Variants in MAGEF1 observed in about 807,000 individuals in gnomAD.
The protein encoded by MAGEF1 is melanoma-associated antigen F1.
For synonymous variants in MAGEF1, 150 were observed against 163.6 expected (o/e 0.92, Z 0.63); for missense variants, 418 against 399.5 (o/e 1.05, Z -0.39).
Position 184,711,956 on chromosome 3 carries a change from G to A in MAGEF1, c.-135C>T. ...GGAGCAATGGCAGCGGGAGCTTTGT[G>A]GCTGCTGGGCCGCACCGCACGGGAG... On this transcript the variant is annotated 5_prime_UTR_variant, in exon 1 of 1. Transcript: ENST00000317897. The A allele has an allele frequency of 1.5e-6, 2 of 1,335,866 alleles. No homozygotes were observed. The highest frequency in any genetic ancestry group is 9.7e-7 in the Non-Finnish European group (1 of 1,035,540). 82.8% of individuals were successfully genotyped at this position (1,335,866 alleles called of 1,614,324 possible).
Position 184,711,654 on chromosome 3 carries a change from C to T in MAGEF1, c.168G>A (p.Arg56=). The change falls in exon 1 of 1, where the codon CGG becomes CGA. Residue 56 remains arginine (R), a synonymous_variant. Coordinates refer to ENST00000317897, the MANE Select transcript of MAGEF1 (RefSeq NM_022149.5). ...TGGCCGCCAAGGCCCTCGCGCCTTT[C>T]CGGGTGAGGGCGGGCTCCGCAGCCC... is the stretch of plus-strand genomic sequence containing the variant. ...EEGAAEPALT[R]KGARALAAKA... is the part of the protein sequence containing the mutation. 6.2e-7 allele frequency: 1 copy of T among 1,603,590 alleles called. No individual in the cohort carries two copies. Among genetic ancestry groups the T allele is most frequent in the Non-Finnish European group, 8.5e-7 (1 of 1,175,806 alleles).
At position 184,711,045 on chromosome 3, in the gene MAGEF1, G is replaced by T; in HGVS notation, c.777C>A (p.Ala259=). The T allele has an allele frequency of 1.9e-6, 3 of 1,614,222 alleles. No homozygotes were observed. The highest frequency in any genetic ancestry group is 2.5e-6 in the Non-Finnish European group (3 of 1,180,038). ...ISKMEVLGFV[A]KLHKKEPQHW... ...GCTGCGGTTCCTTCTTATGCAGTTT[G>T]GCCACGAACCCCAGGACTTCCATCT... Residue 259 remains alanine (A), a synonymous_variant, in exon 1 of 1, where the codon GCC becomes GCA. Transcript: ENST00000317897.
At position 184,711,530 on chromosome 3, in the gene MAGEF1, T is replaced by G. The variant is rs759909230; in HGVS notation, c.292A>C (p.Thr98Pro). 27 of 1,614,234 alleles carry G rather than the reference T, an allele frequency of 1.7e-5. No homozygotes were observed. Among genetic ancestry groups the G allele is most frequent in the South Asian group, 2.2e-5 (2 of 91,084 alleles). Residue 98 changes from threonine to proline, a missense_variant, in exon 1 of 1, where the codon ACA becomes CCA. Physicochemically the swap from Thr to Pro is conservative, Grantham distance 38. Transcript: ENST00000317897. ...LVKDKKKSPITRSEMVKYVIG... is the reference protein window; with the variant it reads ...LVKDKKKSPIPRSEMVKYVIG... ...ACGTATTTCACCATCTCCGAGCGTG[T>G]GATGGGACTCTTCTTCTTGTCTTTC... is the stretch of plus-strand genomic sequence containing the variant.
At position 184,712,004 on chromosome 3, in the gene MAGEF1, G is replaced by T; in HGVS notation, c.-183C>A. 1 of 1,104,608 alleles carries T rather than the reference G, an allele frequency of 9.1e-7. No individual in the cohort carries two copies. Among genetic ancestry groups the T allele is most frequent in the Non-Finnish European group, 1.2e-6 (1 of 848,530 alleles). 68.4% of individuals were successfully genotyped at this position (1,104,608 alleles called of 1,614,324 possible). A position where few individuals can be genotyped will look rare whatever the true frequency, so the allele number is the denominator to read the frequency against. Reference sequence around the variant, plus strand: ...GAGTCAAACCTGCGGCCGCAACGCCGCCAGCAGCCGGAACCTGCGGCGCGC... The same window carrying T: ...GAGTCAAACCTGCGGCCGCAACGCCTCCAGCAGCCGGAACCTGCGGCGCGC... On this transcript the variant is annotated 5_prime_UTR_variant, in exon 1 of 1. Coordinates refer to ENST00000317897, the MANE Select transcript of MAGEF1 (RefSeq NM_022149.5).
Position 184,712,051 on chromosome 3 carries a change from G to C in MAGEF1, c.-230C>G, listed in dbSNP as rs1577592596. ...GCGCAGCCTCAGTCCGCGCCCGCGC[G>C]AGGGGCCACTTCCGGCCACCTCAGC... On this transcript the variant is annotated 5_prime_UTR_variant, in exon 1 of 1. Coordinates refer to ENST00000317897, the MANE Select transcript of MAGEF1 (RefSeq NM_022149.5). 2 of 685,388 alleles carry C rather than the reference G, an allele frequency of 2.9e-6. No individual in the cohort carries two copies. Among genetic ancestry groups the C allele is most frequent in the Non-Finnish European group, 2.1e-6 (1 of 472,422 alleles). The allele number at this position is 685,388 out of a possible 1,614,324, so 42.5% of individuals were successfully genotyped here.
chr3:184,711,903 G>T lies in MAGEF1; in HGVS notation c.-82C>A. ...CGCGCAAGCCCCGGGGGAGGGGTTGGACAGCGGCAGTGACGGCGGGAGTAC... is the reference window on the plus strand; with the variant it reads ...CGCGCAAGCCCCGGGGGAGGGGTTGTACAGCGGCAGTGACGGCGGGAGTAC... On this transcript the variant is annotated 5_prime_UTR_variant, in exon 1 of 1. Coordinates refer to ENST00000317897, the MANE Select transcript of MAGEF1 (RefSeq NM_022149.5). 1 of 1,421,714 alleles carries T rather than the reference G, an allele frequency of 7.0e-7. No individual in the cohort carries two copies. The highest frequency in any genetic ancestry group is 9.2e-7 in the Non-Finnish European group (1 of 1,087,844). 88.1% of individuals were successfully genotyped at this position (1,421,714 alleles called of 1,614,324 possible).
rs371081154 is a variant in MAGEF1 at position 184,711,203 on chromosome 3, A to G, written c.619T>C (p.Phe207Leu). Residue 207 changes from phenylalanine (F) to leucine (L), a missense_variant, in exon 1 of 1, where the codon TTT becomes CTT. Transcript: ENST00000317897. ...ATAATAAGCCTCTTCGGATACCCAA[A>G]GAGGAAATGATACTTTGAGGGTTGC... ...GVQPSKYHFL[F>L]GYPKRLIMED... is the part of the protein sequence containing the mutation. 1 of 1,614,170 alleles carries G rather than the reference A, an allele frequency of 6.2e-7. No individual in the cohort carries two copies. Among genetic ancestry groups the G allele is most frequent in the Non-Finnish European group, 8.5e-7 (1 of 1,180,046 alleles).
Position 184,711,781 on chromosome 3 carries a change from T to G in MAGEF1, c.41A>C (p.Gln14Pro). 2 of 1,520,218 alleles carry G rather than the reference T, an allele frequency of 1.3e-6. No individual in the cohort carries two copies. The highest frequency in any genetic ancestry group is 8.8e-7 in the Non-Finnish European group (1 of 1,139,084). The allele number at this position is 1,520,218 out of a possible 1,614,324, so 94.2% of individuals were successfully genotyped here. A position where few individuals can be genotyped will look rare whatever the true frequency, so the allele number is the denominator to read the frequency against. Residue 14 changes from glutamine to proline, a missense_variant, in exon 1 of 1, where the codon CAG (glutamine) becomes CCG (proline). By Grantham distance (76) the Gln-to-Pro change is moderately conservative. Coordinates refer to ENST00000317897, the MANE Select transcript of MAGEF1 (RefSeq NM_022149.5). Reference protein sequence around the residue: ...TPESRGLPVPQAEGEKDGGHD... With the variant: ...TPESRGLPVPPAEGEKDGGHD... ...GCCGCCATCCTTCTCCCCCTCGGCCTGCGGGACCGGGAGCCCCCTGCTCTC... is the reference window on the plus strand; with the variant it reads ...GCCGCCATCCTTCTCCCCCTCGGCCGGCGGGACCGGGAGCCCCCTGCTCTC...
Position 184,711,130 on chromosome 3 carries a change from T to C in MAGEF1, c.692A>G (p.His231Arg), listed in dbSNP as rs1577591420. The C allele has an allele frequency of 6.2e-7, 1 of 1,614,004 alleles. No individual in the cohort carries two copies. Residue 231 changes from histidine (H) to arginine (R), a missense_variant, in exon 1 of 1, where the codon CAC becomes CGC. Transcript: ENST00000317897. ...GAATTCATATTCTGGTGGATTGGTG[T>C]GAGGCACCCGCCTGTAACTGAGATA... ...QRYLSYRRVP[H>R]TNPPEYEFSW...
Position 184,710,399 on chromosome 3 carries a change from G to T in MAGEF1, c.*499C>A, listed in dbSNP as rs1712180195. 6.6e-6 allele frequency: 1 copy of T among 152,588 alleles called. No homozygotes were observed. Among genetic ancestry groups the T allele is most frequent in the African/African-American group, 2.4e-5 (1 of 41,406 alleles). 9.5% of individuals were successfully genotyped at this position (152,588 alleles called of 1,614,324 possible). A position where few individuals can be genotyped will look rare whatever the true frequency, so the allele number is the denominator to read the frequency against. On this transcript the variant is annotated 3_prime_UTR_variant, in exon 1 of 1. Transcript: ENST00000317897. Reference sequence around the variant, plus strand: ...ATGTTTAATTTATTAAGTGTGCCAGGGTATACTGCTAACTCATTGCATTTT... The same window carrying T: ...ATGTTTAATTTATTAAGTGTGCCAGTGTATACTGCTAACTCATTGCATTTT...
chr3:184,710,669 C>T lies in MAGEF1; in HGVS notation c.*229G>A. On this transcript the variant is annotated 3_prime_UTR_variant, in exon 1 of 1. Coordinates refer to ENST00000317897, the MANE Select transcript of MAGEF1 (RefSeq NM_022149.5). ...AAGTTCTTCCATCCATTTTACAAAA[C>T]CAGCAAAACTCTACAATAAAATCCT... The T allele has an allele frequency of 1.7e-6, 1 of 591,254 alleles. No homozygotes were observed. The highest frequency in any genetic ancestry group is 2.5e-6 in the Non-Finnish European group (1 of 392,802). 36.6% of individuals were successfully genotyped at this position (591,254 alleles called of 1,614,324 possible).
Position 184,711,928 on chromosome 3 carries a change from C to G in MAGEF1, c.-107G>C. 7.8e-6 allele frequency: 11 copies of G among 1,402,030 alleles called. No homozygotes were observed. Among genetic ancestry groups the G allele is most frequent in the Non-Finnish European group, 9.3e-6 (10 of 1,077,998 alleles). 86.8% of individuals were successfully genotyped at this position (1,402,030 alleles called of 1,614,324 possible). A position where few individuals can be genotyped will look rare whatever the true frequency, so the allele number is the denominator to read the frequency against. On this transcript the variant is annotated 5_prime_UTR_variant, in exon 1 of 1. Transcript: ENST00000317897. ...GACAGCGGCAGTGACGGCGGGAGTA[C>G]AAGGAGCAATGGCAGCGGGAGCTTT...
Position 184,711,980 on chromosome 3 carries a change from A to C in MAGEF1, c.-159T>G. ...TGGCTGCTGGGCCGCACCGCACGGG[A>C]GTCAAACCTGCGGCCGCAACGCCGC... On this transcript the variant is annotated 5_prime_UTR_variant, in exon 1 of 1. Coordinates refer to ENST00000317897, the MANE Select transcript of MAGEF1 (RefSeq NM_022149.5). 1.1e-5 allele frequency: 13 copies of C among 1,220,080 alleles called. No homozygotes were observed. Among genetic ancestry groups the C allele is most frequent in the Non-Finnish European group, 1.3e-5 (12 of 953,200 alleles). 75.6% of individuals were successfully genotyped at this position (1,220,080 alleles called of 1,614,324 possible).
In MAGEF1 at chr3:184,711,939, G is replaced by A. The variant is rs1712241784; in HGVS notation, c.-118C>T. Reference sequence around the variant, plus strand: ...TGACGGCGGGAGTACAAGGAGCAATGGCAGCGGGAGCTTTGTGGCTGCTGG... The same window carrying A: ...TGACGGCGGGAGTACAAGGAGCAATAGCAGCGGGAGCTTTGTGGCTGCTGG... On this transcript the variant is annotated 5_prime_UTR_variant, in exon 1 of 1. Transcript: ENST00000317897. The A allele has an allele frequency of 7.3e-7, 1 of 1,364,246 alleles. No homozygotes were observed. The allele number at this position is 1,364,246 out of a possible 1,614,324, so 84.5% of individuals were successfully genotyped here.
At position 184,711,763 on chromosome 3, in the gene MAGEF1, T is replaced by C; in HGVS notation, c.59A>G (p.Asp20Gly). The stretch of plus-strand genomic sequence containing the variant: ...CCGGGTCTCACCATCATGGCCGCCA[T>C]CCTTCTCCCCCTCGGCCTGCGGGAC... ...LPVPQAEGEK[D>G]GGHDGETRAP... The change falls in exon 1 of 1, where the codon GAT becomes GGT. Residue 20 changes from aspartate to glycine, a missense_variant. By Grantham distance (94) the Asp-to-Gly change is moderately conservative. Transcript: ENST00000317897. 3.9e-6 allele frequency: 6 copies of C among 1,522,464 alleles called. No homozygotes were observed. The highest frequency in any genetic ancestry group is 5.3e-6 in the Non-Finnish European group (6 of 1,140,490). 94.3% of individuals were successfully genotyped at this position (1,522,464 alleles called of 1,614,324 possible). A position where few individuals can be genotyped will look rare whatever the true frequency, so the allele number is the denominator to read the frequency against.
At position 184,711,397 on chromosome 3, in the gene MAGEF1, G is replaced by A; in HGVS notation, c.425C>T (p.Thr142Ile). 1.9e-6 allele frequency: 3 copies of A among 1,614,148 alleles called. No individual in the cohort carries two copies. The highest frequency in any genetic ancestry group is 2.5e-6 in the Non-Finnish European group (3 of 1,180,042). Residue 142 changes from threonine (T) to isoleucine (I), a missense_variant, in exon 1 of 1, where the codon ACT becomes ATT. Thr to Ile is a moderately conservative substitution (Grantham distance 89, BLOSUM62 -1). Transcript: ENST00000317897. ...ELKQFDRKHH[T>I]YILINKLKPL... ...TTTTAGTTTGTTGATCAGGATGTAA[G>A]TGTGGTGCTTGCGGTCAAACTGTTT...
At position 184,711,585 on chromosome 3, in the gene MAGEF1, C is replaced by T. The variant is rs1229814634; in HGVS notation, c.237G>A (p.Thr79=). The T allele has an allele frequency of 2.5e-6, 4 of 1,613,746 alleles. No homozygotes were observed. Among genetic ancestry groups the T allele is most frequent in the African/African-American group, 2.7e-5 (2 of 74,952 alleles). The stretch of plus-strand genomic sequence containing the variant: ...GGAGGAACTGCACCAACTCCGCCAC[C>T]GTCCGATTCAGCCGGCGGTAGGCCC... ...RRRAYRRLNR[T]VAELVQFLLV... The change falls in exon 1 of 1, where the codon ACG becomes ACA. Residue 79 remains threonine, a synonymous_variant. Coordinates refer to ENST00000317897, the MANE Select transcript of MAGEF1 (RefSeq NM_022149.5).
Position 184,711,415 on chromosome 3 carries a change from A to C in MAGEF1, c.407T>G (p.Phe136Cys). Residue 136 changes from phenylalanine to cysteine, a missense_variant, in exon 1 of 1, where the codon TTT becomes TGT. Coordinates refer to ENST00000317897, the MANE Select transcript of MAGEF1 (RefSeq NM_022149.5). Reference sequence around the variant, plus strand: ...GATGTAAGTGTGGTGCTTGCGGTCAAACTGTTTCAGCTCAAAACCAAAGAC... The same window carrying C: ...GATGTAAGTGTGGTGCTTGCGGTCACACTGTTTCAGCTCAAAACCAAAGAC... ...RYVFGFELKQ[F>C]DRKHHTYILI... 6.2e-7 allele frequency: 1 copy of C among 1,614,180 alleles called. No homozygotes were observed. The highest frequency in any genetic ancestry group is 8.5e-7 in the Non-Finnish European group (1 of 1,180,026).
Position 184,711,628 on chromosome 3 carries a change from T to G in MAGEF1, c.194A>C (p.Lys65Thr). The change falls in exon 1 of 1, where the codon AAA becomes ACA. Residue 65 changes from lysine (K) to threonine (T), a missense_variant. Coordinates refer to ENST00000317897, the MANE Select transcript of MAGEF1 (RefSeq NM_022149.5). ...GTAGGCCCTGCGCCTTGCCAAGGCT[T>G]TGGCCGCCAAGGCCCTCGCGCCTTT... ...TRKGARALAA[K>T]ALARRRAYRR... 1 of 1,609,742 alleles carries G rather than the reference T, an allele frequency of 6.2e-7. No individual in the cohort carries two copies. The highest frequency in any genetic ancestry group is 8.5e-7 in the Non-Finnish European group (1 of 1,178,694).
Sources: gnomAD v4.1 joint callset for allele counts on GRCh38, gnomAD v4.1.1 for gene constraint, MANE v1.5 for transcripts, NCBI Gene and HGNC (gene_info 2026-07-23, HGNC 2026-07-21) for gene names.